Variants in CHD1 observed in about 807,000 individuals in gnomAD.
CHD1 encodes ATP-dependent chromatin remodeler CHD1.
Under a neutral mutation model 224.2 loss-of-function variants are expected in CHD1, and 36 were observed. The observed-to-expected ratio is 0.16, with a 90% CI of 0.12 to 0.21. CHD1 has a LOEUF of 0.21. Ranked by LOEUF, CHD1 falls within the 10% of genes least tolerant of loss-of-function variation. The probability of loss-of-function intolerance (pLI) is 1.00; values close to 1 mark genes in which losing one functional copy is unlikely to be tolerated. For synonymous variants in CHD1, 668 were observed against 658.3 expected, an observed-to-expected ratio of 1.01 and a Z score of -0.23; for missense variants, 1,378 against 1,994.8, an observed-to-expected ratio of 0.69 and a Z score of 5.89.
intron 16 of CHD1, among the ~76,000 whole-genome samples, chr5:98,888,559 G>A (rs1435155277): frequency 6.6e-6 from 1 of 152,174 alleles, no homozygotes; most frequent in Non-Finnish European, 1.5e-5. Context: ...ATCAGAAGCA[G>A]CAGCAACTAA....
intron 31 of CHD1, among the ~76,000 whole-genome samples, chr5:98,864,697 A>G (rs1748728621): frequency 6.6e-6 from 1 of 152,110 alleles, no homozygotes; most frequent in Non-Finnish European, 1.5e-5. Flanking sequence ...CAAAAAAATA[A>G]AATAATAAAT....
intron 15 of CHD1, among the ~76,000 whole-genome samples, chr5:98,891,727 T>A (rs545192156): frequency 8.5e-5 from 13 of 152,216 alleles, no homozygotes; most frequent in African/African-American, 3.1e-4. Context: ...ACCAGAATCA[T>A]TTGAAACCAG....
At chr5:98,897,416 T>G in intron 10 of CHD1, 96 bp from the exon 11 acceptor site, 1 of 819,990 alleles carries the variant, frequency 1.2e-6, no homozygotes, top group Non-Finnish European at 1.9e-6. Flanking sequence ...TTCTTAAATT[T>G]CATCTCTAAT....
rs1419505842 is a variant in CHD1 at position 98,855,914 on chromosome 5, A to G, written c.*466T>C. 6.5e-6 allele frequency: 1 copy of G among 154,920 alleles called. No homozygotes were observed. Among genetic ancestry groups the G allele is most frequent in the Non-Finnish European group, 1.4e-5 (1 of 69,660 alleles). 9.6% of individuals were successfully genotyped at this position (154,920 alleles called of 1,614,324 possible). A position where few individuals can be genotyped will look rare whatever the true frequency, so the allele number is the denominator to read the frequency against. ...CAAGGTGGTCGCAGTGTACAATGTA[A>G]ACAAGTAGCTTTGGAAATGAACAAA... On this transcript the variant is annotated 3_prime_UTR_variant, in exon 36 of 36. Transcript: ENST00000614616.
At chr5:98,874,102 T>A (rs533568698) in intron 25 of CHD1, among the ~76,000 whole-genome samples, 68 of 152,200 alleles carry the variant, frequency 4.5e-4, no homozygotes, top group African/African-American at 1.6e-3. Flanking sequence ...ATATGAATGA[T>A]TAATACTCAA....
chr5:98,923,472 A>G (rs1039566344), intron 2 of CHD1, among the ~76,000 whole-genome samples: 2 of 151,062 alleles, frequency 1.3e-5, no homozygotes, highest in Admixed American at 6.6e-5. Flanking sequence ...CTGGAGTGCA[A>G]TCGCGCAATC....
intron 35 of CHD1, among the ~76,000 whole-genome samples, chr5:98,857,932 A>G (rs1158993572): frequency 6.6e-6 from 1 of 152,094 alleles, no homozygotes; most frequent in Non-Finnish European, 1.5e-5. Context: ...GCAATTTATA[A>G]TCATACAACT....
At chr5:98,911,146 A>AAATATATATATATATAT (rs1491111295) in intron 2 of CHD1, among the ~76,000 whole-genome samples, 9 of 39,126 alleles carry the variant, frequency 2.3e-4, no homozygotes, top group East Asian at 1.4e-3. Flanking sequence ...AAAAAAAAAA[A>AAATATATATATATATAT]ATATATATAT....
At chr5:98,859,422 G>T (rs1159368266) in intron 33 of CHD1, among the ~76,000 whole-genome samples, 2 of 151,924 alleles carry the variant, frequency 1.3e-5, no homozygotes, top group Non-Finnish European at 2.9e-5. Flanking sequence ...ATCTGCTCGG[G>T]GATTCGATTT....
rs114460130 is a variant in CHD1 at position 98,873,057 on chromosome 5, G to T, written c.3572-502C>A. Among the ~76,000 whole-genome samples, 264 of 152,198 alleles carry T rather than the reference G, an allele frequency of 1.7e-3. 2 individuals are homozygous for T. Among genetic ancestry groups the T allele is most frequent in the African/African-American group, 6.2e-3 (259 of 41,526 alleles). ...TGCCCAGGCTGGTCTCAAACTCCTGGGTTCAAGCTAAACTCCCATCTCAGC... is the reference window on the plus strand; with the variant it reads ...TGCCCAGGCTGGTCTCAAACTCCTGTGTTCAAGCTAAACTCCCATCTCAGC... On this transcript the variant is annotated intron_variant, in intron 26 of 35. Coordinates refer to ENST00000614616, the MANE Select transcript of CHD1 (RefSeq NM_001270.4).
intron 2 of CHD1, among the ~76,000 whole-genome samples, chr5:98,910,324 G>T (rs1013508963): frequency 2.0e-5 from 3 of 152,094 alleles, no homozygotes; most frequent in Non-Finnish European, 4.4e-5. Context: ...TTAAAGTTAA[G>T]ATGACTATGC....
chr5:98,880,927 A>C, intron 22 of CHD1, 149 bp downstream of exon 22: 1 of 623,346 alleles, frequency 1.6e-6, no homozygotes, highest in Non-Finnish European at 2.8e-6. Context: ...TCAGTTTGCT[A>C]CTGGTTTGTC....
intron 26 of CHD1, 91 bp downstream of exon 26, chr5:98,873,502 A>C (rs775800462): frequency 1.0e-6 from 1 of 993,298 alleles, no homozygotes; most frequent in Non-Finnish European, 1.4e-6. Flanking sequence ...ACTGATGAAT[A>C]AATAATTTAA....
intron 32 of CHD1, among the ~76,000 whole-genome samples, chr5:98,861,121 A>G (rs1748438035): frequency 6.7e-6 from 1 of 149,468 alleles, no homozygotes; most frequent in Admixed American, 6.6e-5. Flanking sequence ...GTCAGCACTT[A>G]CACAAACCTA....
chr5:98,896,967 A>C (rs1751383810), intron 11 of CHD1, among the ~76,000 whole-genome samples: 1 of 152,130 alleles, frequency 6.6e-6, no homozygotes, highest in African/African-American at 2.4e-5. Flanking sequence ...TTTTAAACTG[A>C]ATAAAAACAT....
rs1229330687 is a variant in CHD1, at chr5:98,892,641, C to T, written c.2064G>A (p.Lys688=). 1 of 1,613,688 alleles carries T rather than the reference C, an allele frequency of 6.2e-7. No homozygotes were observed. Among genetic ancestry groups the T allele is most frequent in the Non-Finnish European group, 8.5e-7 (1 of 1,179,700 alleles). The change falls in exon 15 of 36, where the codon AAG becomes AAA. Residue 688 remains lysine (K), a synonymous_variant. Transcript: ENST00000614616. ...GREYGYASLH[K]ELEPFLLRRV... is the part of the protein sequence containing the mutation. ...GGCGTAACAGAAATGGCTCAAGCTC[C>T]TTGTGAAGGCTTGCATAACCATATT...
intron 25 of CHD1, 59 bp downstream of exon 25, chr5:98,875,013 A>T (rs1749646942): frequency 4.6e-6 from 4 of 866,270 alleles, no homozygotes; most frequent in Admixed American, 4.7e-5. Context: ...ATACAAATAA[A>T]TAAAGGTGAC....
At chr5:98,857,844 T>C (rs1352300065) in intron 35 of CHD1, among the ~76,000 whole-genome samples, 1 of 152,062 alleles carries the variant, frequency 6.6e-6, no homozygotes, top group Non-Finnish European at 1.5e-5. Context: ...ATCACTATTA[T>C]ATCAAGCTTT....
In CHD1 at chr5:98,898,645, A is replaced by G. The variant is rs776295811; in HGVS notation, c.1186+19T>C. ...TCAAGCATAAAAAGAAAGTTTAACT[A>G]GAATCATTTATCACTAACCAATTAT... On this transcript the variant is annotated intron_variant, in intron 9 of 35. Coordinates refer to ENST00000614616, the MANE Select transcript of CHD1 (RefSeq NM_001270.4). 1 of 1,414,304 alleles carries G rather than the reference A, an allele frequency of 7.1e-7. No homozygotes were observed. The highest frequency in any genetic ancestry group is 9.8e-7 in the Non-Finnish European group (1 of 1,017,926). 87.6% of individuals were successfully genotyped at this position (1,414,304 alleles called of 1,614,324 possible).
Sources: allele counts gnomAD v4.1 joint callset (sites outside exome capture counted in the v4.1 genomes callset), GRCh38; gene constraint gnomAD v4.1.1; transcripts MANE v1.5; gene names NCBI Gene and HGNC (gene_info 2026-07-23, HGNC 2026-07-21).